GCNA: variants seen among roughly 807,000 people sequenced by gnomAD.
The protein encoded by GCNA is germ cell nuclear acidic protein.
A neutral mutation model predicts 38.8 loss-of-function variants in GCNA; 3 were observed. The observed-to-expected ratio is 0.08, with a 90% CI of 0.04 to 0.20. The LOEUF (loss-of-function observed/expected upper bound fraction) is 0.20, where lower values mean the gene tolerates loss of function less well. Among genes scored for constraint, GCNA ranks in the 10% least tolerant of loss-of-function variants. GCNA has a pLI of 1.00. For missense variants in GCNA, 446 were observed against 578.6 expected, an observed-to-expected ratio of 0.77 and a Z score of 2.35; for synonymous variants, 195 against 240.2, an observed-to-expected ratio of 0.81 and a Z score of 1.74.
intron 8 of GCNA, 34 bp from the exon 9 acceptor site, chrX:71,605,629 T>C: frequency 8.6e-7 from 1 of 1,165,547 alleles, no homozygotes; most frequent in Non-Finnish European, 1.2e-6. Context: ...ATTTTCGGGG[T>C]ACAAGTAACC....
chrX:71,604,600 G>T lies in GCNA; in HGVS notation c.1323G>T (p.Arg441Ser), dbSNP rs144602884. The change falls in exon 8 of 13, where the codon AGG becomes AGT. Residue 441 changes from arginine to serine, a missense_variant. Arg to Ser is a moderately radical substitution (Grantham distance 110). Transcript: ENST00000373696. ...TKNIVEPPRK[R>S]QTKTKNIVEP... Reference sequence around the variant, plus strand: ...ATATAGTGGAGCCACCAAGGAAAAGGCAGACAAAGACCAAAAATATAGTGG... The same window carrying T: ...ATATAGTGGAGCCACCAAGGAAAAGTCAGACAAAGACCAAAAATATAGTGG... 2,772 of 1,199,603 alleles carry T rather than the reference G, an allele frequency of 2.3e-3. 5 individuals are homozygous for T. Among genetic ancestry groups the T allele is most frequent in the Non-Finnish European group, 2.8e-3 (2,516 of 889,597 alleles).
chrX:71,585,318 A>C (rs901700180), intron 2 of GCNA, among the ~76,000 whole-genome samples: 16 of 93,500 alleles, frequency 1.7e-4, no homozygotes, highest in African/African-American at 7.6e-4. Context: ...CTGTCTCAAA[A>C]AAAGAAAAAA....
intron 9 of GCNA, 73 bp from the exon 10 acceptor site, chrX:71,608,900 T>C: frequency 8.9e-7 from 1 of 1,129,190 alleles, no homozygotes; most frequent in South Asian, 2.1e-5. Flanking sequence ...CAGGGTCTCT[T>C]GACGAGACGC....
rs757681428 is a variant in GCNA at position 71,603,871 on chromosome X, C to T, written c.594C>T (p.Asp198=). 7.6e-6 allele frequency: 9 copies of T among 1,191,169 alleles called. No homozygotes were observed. In the Admixed American group the frequency reaches 1.1e-4, roughly 15 times the overall value. The change falls in exon 8 of 13, where the codon GAC becomes GAT. Residue 198 remains aspartate (D), a synonymous_variant. Transcript: ENST00000373696. ...ACGACAACAGTGATGATTCATCCGA[C>T]GACAACAGTGATGATTCATCCGACG... ...VPDDNSDDSS[D]DNSDDSSDDN... is the part of the protein sequence containing the mutation.
intron 2 of GCNA, among the ~76,000 whole-genome samples, chrX:71,591,053 G>C (rs1433403425): frequency 1.8e-5 from 2 of 111,482 alleles, no homozygotes; most frequent in Non-Finnish European, 3.8e-5. Context: ...TTAGCATTTT[G>C]ATATCCTCTG....
At chrX:71,588,755 A>T (rs770989706) in intron 2 of GCNA, among the ~76,000 whole-genome samples, 1 of 111,531 alleles carries the variant, frequency 9.0e-6, no homozygotes, top group African/African-American at 3.3e-5. Flanking sequence ...TAAACCCAGG[A>T]GGTGGAGGTT....
rs2040828838 is a variant in GCNA at position 71,613,540 on chromosome X, T to G, written c.*558T>G. 8.8e-6 allele frequency: 1 copy of G among 113,379 alleles called. No individual in the cohort carries two copies. Among genetic ancestry groups the G allele is most frequent in the Admixed American group, 9.2e-5 (1 of 10,822 alleles). The allele number at this position is 113,379 out of a possible 1,213,427, so 9.3% of individuals were successfully genotyped here. ...CGTTGTTGATGGTATTGATTGAAAC[T>G]ATCTGAGCCATGTAATCAAAAAATA... On this transcript the variant is annotated 3_prime_UTR_variant, in exon 13 of 13. Transcript: ENST00000373696.
intron 7 of GCNA, among the ~76,000 whole-genome samples, chrX:71,598,989 C>G (rs191864704): frequency 0.012 from 1,292 of 109,560 alleles, 20 homozygotes; most frequent in Non-Finnish European, 0.018. Context: ...TACAGGCGCC[C>G]GCCACCATGC....
intron 2 of GCNA, among the ~76,000 whole-genome samples, chrX:71,589,165 T>C (rs774033030): frequency 1.8e-5 from 2 of 110,958 alleles, no homozygotes; most frequent in South Asian, 7.6e-4. Flanking sequence ...TCTTCTATAG[T>C]TTTTGAGGTT....
intron 8 of GCNA, 89 bp from the exon 9 acceptor site, chrX:71,605,574 G>A (rs2040762619): frequency 1.4e-6 from 1 of 734,135 alleles, no homozygotes; most frequent in Non-Finnish European, 2.0e-6. Context: ...TGGCTGTGAG[G>A]GCTCCTTTTG....
At chrX:71,586,649 G>T (rs1482469764) in intron 2 of GCNA, among the ~76,000 whole-genome samples, 2 of 110,355 alleles carry the variant, frequency 1.8e-5, no homozygotes, top group African/African-American at 6.6e-5. Context: ...CGCTCTTGTT[G>T]CCCAGGCTTG....
chrX:71,611,141 C>T (rs2040807642), intron 11 of GCNA, among the ~76,000 whole-genome samples: 1 of 112,327 alleles, frequency 8.9e-6, no homozygotes, highest in African/African-American at 3.2e-5. Flanking sequence ...GAGTAGCTCA[C>T]CATTCCTTCT....
At chrX:71,601,910 A>G (rs990349136) in intron 7 of GCNA, among the ~76,000 whole-genome samples, 4 of 112,530 alleles carry the variant, frequency 3.6e-5, no homozygotes, top group Admixed American at 2.8e-4. Context: ...CAGTGCTACA[A>G]CAAACATAGG....
At chrX:71,612,229 G>C (rs1454985017) in intron 11 of GCNA, 126 bp from the exon 12 acceptor site, 4 of 517,977 alleles carry the variant, frequency 7.7e-6, no homozygotes, top group Non-Finnish European at 1.2e-5. Context: ...AGTGAGCTGA[G>C]ATCATGCCAT....
At chrX:71,584,636 G>T (rs1179847191) in intron 2 of GCNA, among the ~76,000 whole-genome samples, 1 of 111,387 alleles carries the variant, frequency 9.0e-6, no homozygotes, top group Non-Finnish European at 1.9e-5. Context: ...AGGCCGAGGC[G>T]GGCGGATCAC....
chrX:71,588,091 G>A (rs2040596590), intron 2 of GCNA, among the ~76,000 whole-genome samples: 1 of 111,798 alleles, frequency 8.9e-6, no homozygotes, highest in Admixed American at 9.6e-5. Context: ...CACTGCATCC[G>A]GCCAAAAATG....
chrX:71,595,176 A>C (rs758023345), intron 6 of GCNA, among the ~76,000 whole-genome samples: 4 of 111,837 alleles, frequency 3.6e-5, no homozygotes, highest in Non-Finnish European at 5.6e-5. Context: ...GGCTCACTGC[A>C]GCCTCCGCCT....
rs555403815 is a variant in GCNA, at chrX:71,613,515, C to T, written c.*533C>T. ...AAAGACAAACGTGTTTCATAAAATTCGTTGTTGATGGTATTGATTGAAACT... is the reference window on the plus strand; with the variant it reads ...AAAGACAAACGTGTTTCATAAAATTTGTTGTTGATGGTATTGATTGAAACT... On this transcript the variant is annotated 3_prime_UTR_variant, in exon 13 of 13. Transcript: ENST00000373696. 8 of 113,631 alleles carry T rather than the reference C, an allele frequency of 7.0e-5. No individual in the cohort carries two copies. The highest frequency in any genetic ancestry group is 2.3e-4 in the African/African-American group (7 of 30,956). The allele number at this position is 113,631 out of a possible 1,213,427, so 9.4% of individuals were successfully genotyped here. A position where few individuals can be genotyped will look rare whatever the true frequency, so the allele number is the denominator to read the frequency against.
intron 7 of GCNA, among the ~76,000 whole-genome samples, chrX:71,598,298 A>G (rs2040687613): frequency 9.0e-6 from 1 of 111,510 alleles, no homozygotes; most frequent in Non-Finnish European, 1.9e-5. Context: ...GCCTAGAGCT[A>G]TATCAGTGAA....
Sources: allele counts gnomAD v4.1 joint callset (sites outside exome capture counted in the v4.1 genomes callset), GRCh38; gene constraint gnomAD v4.1.1; transcripts MANE v1.5; gene names NCBI Gene and HGNC (gene_info 2026-07-23, HGNC 2026-07-21).